Variants in SLAIN2 observed in about 807,000 individuals in gnomAD.
SLAIN2 encodes the protein SLAIN family member 2.
In SLAIN2, 31 loss-of-function variants were observed where a neutral mutation model predicts 56.6. The ratio of observed to expected loss-of-function variants is 0.55; its 90% CI spans 0.41 to 0.74. SLAIN2 has a LOEUF of 0.74. SLAIN2 is among the 30% of genes least tolerant of loss of function. The pLI is 0.00. For missense variants in SLAIN2, 777 were observed against 754.2 expected, an observed-to-expected ratio of 1.03 and a Z score of -0.35; for synonymous variants, 317 against 284.9, an observed-to-expected ratio of 1.11 and a Z score of -1.13.
intron 1 of SLAIN2, among the ~76,000 whole-genome samples, chr4:48,349,106 C>T (rs1714944179): frequency 6.6e-6 from 1 of 152,164 alleles, no homozygotes; most frequent in South Asian, 2.1e-4. Context: ...TTGTGAAATT[C>T]TCCTGAATTT....
chr4:48,362,239 G>A (rs767111901), intron 1 of SLAIN2, among the ~76,000 whole-genome samples: 1 of 151,588 alleles, frequency 6.6e-6, no homozygotes, highest in Non-Finnish European at 1.5e-5. Flanking sequence ...AAACTATTTG[G>A]TCTTTTACCA....
chr4:48,375,144 G>A (rs1321559407), intron 2 of SLAIN2, among the ~76,000 whole-genome samples: 1 of 152,140 alleles, frequency 6.6e-6, no homozygotes, highest in Non-Finnish European at 1.5e-5. Flanking sequence ...CTTAGAACTT[G>A]GAATGCTAGT....
At chr4:48,374,543 G>A (rs1489445865) in intron 2 of SLAIN2, among the ~76,000 whole-genome samples, 8 of 152,088 alleles carry the variant, frequency 5.3e-5, no homozygotes, top group Non-Finnish European at 7.4e-5. Context: ...ACTGGCACCC[G>A]GCCAATTGTG....
chr4:48,395,833 CT>C (rs1251746685), intron 6 of SLAIN2, among the ~76,000 whole-genome samples: 1 of 19,088 alleles, frequency 5.2e-5, no homozygotes, highest in Non-Finnish European at 9.2e-5. Context: ...TTTTTTGAGA[CT>C]TTTCAATATT....
At position 48,341,706 on chromosome 4, in the gene SLAIN2, G is replaced by GGGCGGCGGAGGCGGCGGC. The variant is rs1553901082; in HGVS notation, c.-25_-8dup. 7.2e-6 allele frequency: 11 copies of GGGCGGCGGAGGCGGCGGC among 1,521,718 alleles called. No individual in the cohort carries two copies. The Admixed American group carries it at 8.3e-5, about 12-fold the overall frequency. 94.3% of individuals were successfully genotyped at this position (1,521,718 alleles called of 1,614,324 possible). A position where few individuals can be genotyped will look rare whatever the true frequency, so the allele number is the denominator to read the frequency against. ...TTTCCCTGTCGCTGCGAGAGCGAGC[G>GGGCGGCGGAGGCGGCGGC]GGCGGCGGAGGCGGCGGCGGCGGCG... On this transcript the variant is annotated 5_prime_UTR_variant, in exon 1 of 8. Coordinates refer to ENST00000264313, the MANE Select transcript of SLAIN2 (RefSeq NM_020846.2).
chr4:48,369,703 G>C, intron 1 of SLAIN2, 146 bp from the exon 2 acceptor site: 1 of 639,002 alleles, frequency 1.6e-6, no homozygotes, highest in Non-Finnish European at 2.5e-6. Context: ...TTTTCTTCCT[G>C]TGCAGTAAGT....
intron 6 of SLAIN2, among the ~76,000 whole-genome samples, chr4:48,400,647 C>T (rs1003434886): frequency 8.6e-5 from 13 of 151,910 alleles, no homozygotes; most frequent in Non-Finnish European, 1.2e-4. Flanking sequence ...AGTGATCGCC[C>T]GCCTTGGCCT....
At chr4:48,384,772 G>A (rs1716060175) in intron 6 of SLAIN2, among the ~76,000 whole-genome samples, 1 of 152,034 alleles carries the variant, frequency 6.6e-6, no homozygotes, top group Non-Finnish European at 1.5e-5. Context: ...ATCAATACAG[G>A]CATTTCTACT....
rs1296365569 is a variant in SLAIN2, at chr4:48,342,015, G to T, written c.276G>T (p.Arg92=). The change falls in exon 1 of 8, where the codon CGG becomes CGT. Residue 92 remains arginine, a synonymous_variant. Transcript: ENST00000264313. ...GPRRTSSEEL[R]DATSLLAAGE... Reference sequence around the variant, plus strand: ...GGCGGACGAGTAGCGAAGAGCTGCGGGACGCCACCTCCTTGCTAGCGGCGG... The same window carrying T: ...GGCGGACGAGTAGCGAAGAGCTGCGTGACGCCACCTCCTTGCTAGCGGCGG... The T allele has an allele frequency of 7.1e-7, 1 of 1,417,682 alleles. No individual in the cohort carries two copies. Among genetic ancestry groups the T allele is most frequent in the Non-Finnish European group, 9.2e-7 (1 of 1,090,882 alleles). 87.8% of individuals were successfully genotyped at this position (1,417,682 alleles called of 1,614,324 possible).
Position 48,422,288 on chromosome 4 carries a change from A to G in SLAIN2, c.*211A>G, listed in dbSNP as rs1717177176. 6.2e-6 allele frequency: 3 copies of G among 483,310 alleles called. No homozygotes were observed. Among genetic ancestry groups the G allele is most frequent in the East Asian group, 3.3e-5 (1 of 30,644 alleles). 29.9% of individuals were successfully genotyped at this position (483,310 alleles called of 1,614,324 possible). On this transcript the variant is annotated 3_prime_UTR_variant, in exon 8 of 8. Transcript: ENST00000264313. ...AGATGTGTTTGGTAATCATACAATC[A>G]CTCTCCATAGAATCACTTTTAGTTT...
chr4:48,348,200 G>A (rs1714920412), intron 1 of SLAIN2, among the ~76,000 whole-genome samples: 1 of 152,100 alleles, frequency 6.6e-6, no homozygotes, highest in Non-Finnish European at 1.5e-5. Context: ...TTTTGTTTTA[G>A]TAGAAGGAAG....
At chr4:48,381,842 ATTGACTATGTTACG>A (rs1715980455) in intron 4 of SLAIN2, among the ~76,000 whole-genome samples, 1 of 152,120 alleles carries the variant, frequency 6.6e-6, no homozygotes, top group African/African-American at 2.4e-5. Context: ...TTGTTTCTTC[ATTGACTATGTTACG>A]TATCAACTTT....
intron 2 of SLAIN2, among the ~76,000 whole-genome samples, chr4:48,374,387 C>T (rs555931708): frequency 6.6e-6 from 1 of 151,982 alleles, no homozygotes; most frequent in Admixed American, 6.6e-5. Flanking sequence ...CAGGTGCCTG[C>T]CACCAGACCC....
intron 1 of SLAIN2, among the ~76,000 whole-genome samples, chr4:48,360,817 C>G (rs753100850): frequency 1.3e-5 from 2 of 152,136 alleles, no homozygotes; most frequent in Admixed American, 1.3e-4. Context: ...ATCAACTTGT[C>G]TCAGATTTGC....
At chr4:48,413,741 T>A (rs192487250) in intron 6 of SLAIN2, among the ~76,000 whole-genome samples, 2 of 152,216 alleles carry the variant, frequency 1.3e-5, no homozygotes, top group African/African-American at 4.8e-5. Flanking sequence ...ACTATATACT[T>A]ACTGGGCATT....
intron 6 of SLAIN2, among the ~76,000 whole-genome samples, chr4:48,401,523 G>A (rs114475110): frequency 0.015 from 2,320 of 152,098 alleles, 43 homozygotes; most frequent in African/African-American, 0.052. Flanking sequence ...ACCCTTTACC[G>A]TATGTAATGC....
intron 6 of SLAIN2, among the ~76,000 whole-genome samples, chr4:48,414,650 T>G (rs1716952734): frequency 7.6e-6 from 1 of 131,294 alleles, no homozygotes. Flanking sequence ...GCTGGTGCGC[T>G]GCACCCACTA....
At chr4:48,395,447 A>G (rs1460701250) in intron 6 of SLAIN2, among the ~76,000 whole-genome samples, 6 of 76,920 alleles carry the variant, frequency 7.8e-5, no homozygotes, top group Non-Finnish European at 1.8e-4. Flanking sequence ...TTTTTTTTGA[A>G]AAAAAAAAGG....
chr4:48,356,170 T>C (rs1240667103), intron 1 of SLAIN2, among the ~76,000 whole-genome samples: 1 of 152,228 alleles, frequency 6.6e-6, no homozygotes, highest in Admixed American at 6.5e-5. Flanking sequence ...TATGACGTTT[T>C]AGCCAGGAAC....
Sources: allele counts gnomAD v4.1 joint callset (sites outside exome capture counted in the v4.1 genomes callset), GRCh38; gene constraint gnomAD v4.1.1; transcripts MANE v1.5; gene names NCBI Gene and HGNC (gene_info 2026-07-23, HGNC 2026-07-21).